Variants in MPHOSPH6 observed in about 807,000 individuals in gnomAD.
MPHOSPH6 encodes M-phase phosphoprotein 6.
MPHOSPH6 carries 25 observed loss-of-function variants against 21.8 expected under a neutral mutation model. The ratio of observed to expected loss-of-function variants is 1.15; its 90% CI spans 0.83 to 1.60. MPHOSPH6 has a LOEUF of 1.60. Among genes scored for constraint, MPHOSPH6 ranks in the 40% most tolerant of loss-of-function variants. MPHOSPH6 has a pLI of 0.00. For missense variants in MPHOSPH6, 269 were observed against 181.8 expected, an observed-to-expected ratio of 1.48 and a Z score of -2.76; for synonymous variants, 84 against 56.5, an observed-to-expected ratio of 1.49 and a Z score of -2.18.
chr16:82,161,235 C>G (rs1315255858), intron 2 of MPHOSPH6, among the ~76,000 whole-genome samples: 3 of 152,158 alleles, frequency 2.0e-5, no homozygotes, highest in Non-Finnish European at 2.9e-5. Flanking sequence ...GGGACCCCAA[C>G]TAATGAACTT....
intron 2 of MPHOSPH6, among the ~76,000 whole-genome samples, chr16:82,152,127 C>A (rs1318960063): frequency 6.6e-6 from 1 of 152,174 alleles, no homozygotes; most frequent in Non-Finnish European, 1.5e-5. Flanking sequence ...TTGAATATTT[C>A]CTTCCAGTCT....
intron 2 of MPHOSPH6, among the ~76,000 whole-genome samples, chr16:82,162,967 G>A (rs1906653110): frequency 6.8e-6 from 1 of 146,762 alleles, no homozygotes; most frequent in Non-Finnish European, 1.5e-5. Flanking sequence ...TATAGCTCCA[G>A]CAGCAAAGGT....
chr16:82,152,794 A>G (rs77186380), intron 2 of MPHOSPH6, among the ~76,000 whole-genome samples: 170 of 152,348 alleles, frequency 1.1e-3, no homozygotes, highest in African/African-American at 3.8e-3. Context: ...CCAAGGTGAC[A>G]TATCTATCTC....
At chr16:82,159,641 C>T (rs745520348) in intron 2 of MPHOSPH6, among the ~76,000 whole-genome samples, 3 of 152,168 alleles carry the variant, frequency 2.0e-5, no homozygotes, top group Non-Finnish European at 4.4e-5. Flanking sequence ...CTCCTGACGT[C>T]GTGATCCGCC....
chr16:82,166,883 C>G (rs568324752), intron 1 of MPHOSPH6, among the ~76,000 whole-genome samples: 2 of 152,274 alleles, frequency 1.3e-5, no homozygotes, highest in Admixed American at 6.5e-5. Context: ...AAGGACAGAA[C>G]TCCCTGTGAA....
Position 82,151,889 on chromosome 16 carries a change from T to C in MPHOSPH6, c.165-375A>G, listed in dbSNP as rs142462554. 3.3e-4 allele frequency among the ~76,000 whole-genome samples: 50 copies of C among 152,382 alleles called. No homozygotes were observed. In the East Asian group the frequency reaches 9.2e-3, roughly 28 times the overall value. ...ATTCTTTTTCAGAAAGGAAATAATA[T>C]GTATGTAAAAATACACATACAGTAT... On this transcript the variant is annotated intron_variant, in intron 2 of 4. Coordinates refer to ENST00000258169, the MANE Select transcript of MPHOSPH6 (RefSeq NM_005792.2).
At chr16:82,152,349 C>A (rs907936637) in intron 2 of MPHOSPH6, among the ~76,000 whole-genome samples, 5 of 152,128 alleles carry the variant, frequency 3.3e-5, no homozygotes, top group Non-Finnish European at 7.4e-5. Context: ...AAATCAGAGG[C>A]TTGAGCAGCT....
chr16:82,166,984 G>C (rs1455106227), intron 1 of MPHOSPH6, among the ~76,000 whole-genome samples: 1 of 152,210 alleles, frequency 6.6e-6, no homozygotes, highest in African/African-American at 2.4e-5. Flanking sequence ...TGAGGACTCA[G>C]AGCAGGCATC....
intron 2 of MPHOSPH6, among the ~76,000 whole-genome samples, chr16:82,161,469 A>G (rs1906606104): frequency 6.6e-6 from 1 of 152,170 alleles, no homozygotes; most frequent in African/African-American, 2.4e-5. Flanking sequence ...TAAACTGCCT[A>G]TACTTGCACA....
chr16:82,163,551 T>C (rs749398268), intron 2 of MPHOSPH6, among the ~76,000 whole-genome samples: 9 of 152,190 alleles, frequency 5.9e-5, no homozygotes, highest in Non-Finnish European at 8.8e-5. Flanking sequence ...AGTTCCTAAG[T>C]TTGCTACGAA....
chr16:82,150,508 T>C (rs1005648199), intron 3 of MPHOSPH6, among the ~76,000 whole-genome samples: 1 of 152,216 alleles, frequency 6.6e-6, no homozygotes, highest in Non-Finnish European at 1.5e-5. Context: ...AATCTTTCAA[T>C]AAACTCTGGC....
chr16:82,169,121 T>G (rs958189015), intron 1 of MPHOSPH6, among the ~76,000 whole-genome samples: 35 of 152,214 alleles, frequency 2.3e-4, no homozygotes, highest in Admixed American at 1.4e-3. Context: ...CTATAAATAT[T>G]TGCCATTTTC....
intron 2 of MPHOSPH6, among the ~76,000 whole-genome samples, chr16:82,155,176 T>C (rs1906389819): frequency 6.6e-6 from 1 of 152,056 alleles, no homozygotes; most frequent in Non-Finnish European, 1.5e-5. Context: ...ACTACGAAAA[T>C]AAAGGAGTAT....
At chr16:82,160,617 G>C (rs1906577804) in intron 2 of MPHOSPH6, among the ~76,000 whole-genome samples, 1 of 152,170 alleles carries the variant, frequency 6.6e-6, no homozygotes, top group African/African-American at 2.4e-5. Flanking sequence ...CGTTATCCAA[G>C]GTTCCAGTTT....
chr16:82,169,056 A>G (rs1264058822), intron 1 of MPHOSPH6, among the ~76,000 whole-genome samples: 1 of 152,238 alleles, frequency 6.6e-6, no homozygotes, highest in Non-Finnish European at 1.5e-5. Flanking sequence ...TCAAAGTGTC[A>G]TTATGTGAAT....
chr16:82,155,264 G>C (rs1906393184), intron 2 of MPHOSPH6, among the ~76,000 whole-genome samples: 1 of 152,208 alleles, frequency 6.6e-6, no homozygotes, highest in African/African-American at 2.4e-5. Context: ...TTTCCCAACT[G>C]TGATCAGAAA....
At position 82,148,504 on chromosome 16, in the gene MPHOSPH6, A is replaced by G. The variant is rs368835033; in HGVS notation, c.*227T>C. On this transcript the variant is annotated 3_prime_UTR_variant, in exon 5 of 5. Transcript: ENST00000258169. ...AGGAAGCAGCCCTGTAACAATGTAC[A>G]TTTGTAGATCAGGGGCTAAAAATCC... 4.3e-6 allele frequency: 2 copies of G among 463,168 alleles called. No individual in the cohort carries two copies. Among genetic ancestry groups the G allele is most frequent in the African/African-American group, 2.0e-5 (1 of 50,990 alleles). 28.7% of individuals were successfully genotyped at this position (463,168 alleles called of 1,614,324 possible).
At chr16:82,153,642 C>G (rs1313606885) in intron 2 of MPHOSPH6, among the ~76,000 whole-genome samples, 1 of 152,218 alleles carries the variant, frequency 6.6e-6, no homozygotes, top group Non-Finnish European at 1.5e-5. Context: ...TCAGGACCTG[C>G]ATACTGGGTT....
intron 3 of MPHOSPH6, among the ~76,000 whole-genome samples, chr16:82,150,907 T>G (rs772530083): frequency 2.0e-5 from 3 of 152,242 alleles, no homozygotes; most frequent in Non-Finnish European, 4.4e-5. Flanking sequence ...AATAAAGGTC[T>G]GCTTCTCTAT....
Sources: gnomAD v4.1 joint callset for allele counts (sites outside exome capture counted in the v4.1 genomes callset) on GRCh38, gnomAD v4.1.1 for gene constraint, MANE v1.5 for transcripts, NCBI Gene and HGNC (gene_info 2026-07-23, HGNC 2026-07-21) for gene names.